The following NUCKS1 variants were observed in gnomAD, a reference collection of about 807,000 sequenced individuals.
NUCKS1 encodes the protein nuclear casein kinase and cyclin dependent kinase substrate 1.
A neutral mutation model predicts 33.0 loss-of-function variants in NUCKS1; 2 were observed. The observed-to-expected ratio is 0.06, with a 90% CI of 0.02 to 0.19. NUCKS1 has a LOEUF of 0.19. Ranked by LOEUF, NUCKS1 falls within the 10% of genes least tolerant of loss-of-function variation. The pLI, the probability that NUCKS1 is intolerant of heterozygous loss-of-function variation, is 1.00. For synonymous variants in NUCKS1, 106 were observed against 102.8 expected (o/e 1.03, Z -0.19); for missense variants, 201 against 293.6 (o/e 0.68, Z 2.31).
intron 4 of NUCKS1, among the ~76,000 whole-genome samples, chr1:205,721,614 A>T (rs1671917911): frequency 6.6e-6 from 1 of 152,140 alleles, no homozygotes; most frequent in African/African-American, 2.4e-5. Flanking sequence ...ATAATGTCAA[A>T]CTGTTACCCT....
chr1:205,737,499 A>C (rs992972306), intron 1 of NUCKS1, among the ~76,000 whole-genome samples: 1 of 152,174 alleles, frequency 6.6e-6, no homozygotes, highest in African/African-American at 2.4e-5. Context: ...CAATCTATTT[A>C]TTTGTCAGCC....
At chr1:205,741,127 C>A (rs1431339067) in intron 1 of NUCKS1, among the ~76,000 whole-genome samples, 1 of 150,802 alleles carries the variant, frequency 6.6e-6, no homozygotes, top group Non-Finnish European at 1.5e-5. Context: ...GGTGAAAGCC[C>A]GTCTCTACTA....
chr1:205,724,593 C>A (rs1314624794), intron 3 of NUCKS1, among the ~76,000 whole-genome samples: 1 of 152,002 alleles, frequency 6.6e-6, no homozygotes. Flanking sequence ...ACTCGGGAGG[C>A]TGAGAGAGGA....
intron 1 of NUCKS1, among the ~76,000 whole-genome samples, chr1:205,749,239 A>C (rs956212130): frequency 6.6e-6 from 1 of 152,228 alleles, no homozygotes; most frequent in African/African-American, 2.4e-5. Flanking sequence ...GAAAGAGCGA[A>C]CTTTGGGGTT....
Position 205,719,507 on chromosome 1 carries a change from T to C in NUCKS1, c.532+20A>G. ...AAATTTTTAAAGCAGTAAATTTAAT[T>C]TCACTTCTGCAGAAATTACCTGTAG... On this transcript the variant is annotated intron_variant, in intron 6 of 6. Coordinates refer to ENST00000367142, the MANE Select transcript of NUCKS1 (RefSeq NM_022731.5). 2 of 1,572,804 alleles carry C rather than the reference T, an allele frequency of 1.3e-6. No individual in the cohort carries two copies. The highest frequency in any genetic ancestry group is 1.4e-5 in the African/African-American group (1 of 72,490).
intron 1 of NUCKS1, among the ~76,000 whole-genome samples, chr1:205,745,765 A>G (rs1377396953): frequency 6.6e-6 from 1 of 152,228 alleles, no homozygotes; most frequent in Non-Finnish European, 1.5e-5. Flanking sequence ...TAACTGTAAC[A>G]TATTCTTTAA....
At chr1:205,732,987 G>A (rs912309714) in intron 1 of NUCKS1, among the ~76,000 whole-genome samples, 1 of 151,806 alleles carries the variant, frequency 6.6e-6, no homozygotes, top group Admixed American at 6.6e-5. Flanking sequence ...ATGCAAACAC[G>A]ACCATTTTCT....
chr1:205,744,638 T>TTTTTTG (rs1654269441), intron 1 of NUCKS1, among the ~76,000 whole-genome samples: 1 of 138,170 alleles, frequency 7.2e-6, no homozygotes, highest in South Asian at 2.5e-4. Flanking sequence ...GAGTTTTTTT[T>TTTTTTG]TTTTTTTTTT....
At chr1:205,746,482 CACACACTA>C (rs879352887) in intron 1 of NUCKS1, among the ~76,000 whole-genome samples, 2,917 of 144,478 alleles carry the variant, frequency 0.02, 34 homozygotes, top group Middle Eastern at 0.032. Flanking sequence ...CACACACACA[CACACACTA>C]GAGAATAAGA....
chr1:205,733,619 A>G (rs1167774145), intron 1 of NUCKS1, among the ~76,000 whole-genome samples: 1 of 151,720 alleles, frequency 6.6e-6, no homozygotes, highest in Non-Finnish European at 1.5e-5. Context: ...TGTTTAAATA[A>G]TAAATTAAAT....
chr1:205,729,509 A>C, intron 2 of NUCKS1, 63 bp downstream of exon 2: 1 of 1,060,228 alleles, frequency 9.4e-7, no homozygotes, highest in South Asian at 1.3e-5. Flanking sequence ...TAATAAAACT[A>C]TATAAGCTGG....
chr1:205,738,118 C>T (rs111451886), intron 1 of NUCKS1, among the ~76,000 whole-genome samples: 5,702 of 152,016 alleles, frequency 0.038, 166 homozygotes, highest in African/African-American at 0.07. Context: ...CTCTACCTCC[C>T]GGGTTCAAGC....
At chr1:205,747,315 A>G (rs1262430955) in intron 1 of NUCKS1, among the ~76,000 whole-genome samples, 1 of 152,192 alleles carries the variant, frequency 6.6e-6, no homozygotes, top group Non-Finnish European at 1.5e-5. Context: ...ACCTCTTCCT[A>G]GCTCCAAGGC....
chr1:205,750,089 C>T lies in NUCKS1; in HGVS notation c.-116G>A, dbSNP rs1263487460. On this transcript the variant is annotated 5_prime_UTR_variant, in exon 1 of 7. Transcript: ENST00000367142. ...AGCCGATGGGACCGCTGCTGCCGAA[C>T]CCCGAGCTGCTGGCTTCTCAAACTC... 3 of 1,057,346 alleles carry T rather than the reference C, an allele frequency of 2.8e-6. No homozygotes were observed. The highest frequency in any genetic ancestry group is 4.1e-6 in the Non-Finnish European group (3 of 739,444). The allele number at this position is 1,057,346 out of a possible 1,614,324, so 65.5% of individuals were successfully genotyped here.
chr1:205,727,583 G>C, intron 3 of NUCKS1, 117 bp downstream of exon 3: 3 of 719,288 alleles, frequency 4.2e-6, no homozygotes, highest in South Asian at 3.1e-5. Context: ...AAAATATTAA[G>C]TGGACAGTAA....
chr1:205,740,033 C>T (rs866653501), intron 1 of NUCKS1, among the ~76,000 whole-genome samples: 6 of 112,530 alleles, frequency 5.3e-5, no homozygotes, highest in Admixed American at 1.3e-4. Context: ...GACAGTGTCT[C>T]CCTCTGTTGT....
chr1:205,726,327 G>A (rs1391192306), intron 3 of NUCKS1, among the ~76,000 whole-genome samples: 1 of 152,188 alleles, frequency 6.6e-6, no homozygotes, highest in Non-Finnish European at 1.5e-5. Context: ...ACTAGCCTGG[G>A]CAACATGGCG....
At chr1:205,737,840 A>G (rs1654067393) in intron 1 of NUCKS1, among the ~76,000 whole-genome samples, 1 of 152,242 alleles carries the variant, frequency 6.6e-6, no homozygotes, top group Non-Finnish European at 1.5e-5. Flanking sequence ...ATCTCATTAC[A>G]GAATTGTCCA....
rs1671843527 is a variant in NUCKS1 at position 205,717,490 on chromosome 1, C to T, written c.*790G>A. 3 of 978,852 alleles carry T rather than the reference C, an allele frequency of 3.1e-6. No individual in the cohort carries two copies. The highest frequency in any genetic ancestry group is 4.7e-5 in the South Asian group (1 of 21,130). 60.6% of individuals were successfully genotyped at this position (978,852 alleles called of 1,614,324 possible). On this transcript the variant is annotated 3_prime_UTR_variant, in exon 7 of 7. Coordinates refer to ENST00000367142, the MANE Select transcript of NUCKS1 (RefSeq NM_022731.5). ...AATATGAAATCAAGAGTTTTGGCAG[C>T]CCCTGCTTTTTTTTTTTTTTTAGCT... is the stretch of plus-strand genomic sequence containing the variant.
Sources: gnomAD v4.1 joint callset for allele counts (sites outside exome capture counted in the v4.1 genomes callset) on GRCh38, gnomAD v4.1.1 for gene constraint, MANE v1.5 for transcripts, NCBI Gene and HGNC (gene_info 2026-07-23, HGNC 2026-07-21) for gene names.